The following TENM3 variants were observed in gnomAD, a reference collection of about 807,000 sequenced individuals.
The protein encoded by TENM3 is teneurin transmembrane protein 3, also known as teneurin-3.
In TENM3, 63 loss-of-function variants were observed where a neutral mutation model predicts 255.1. The ratio of observed to expected loss-of-function variants is 0.25; its 90% CI spans 0.20 to 0.30. The LOEUF (loss-of-function observed/expected upper bound fraction) is 0.30. TENM3 is among the 10% of genes least tolerant of loss of function. The pLI, the probability that TENM3 is intolerant of heterozygous loss-of-function variation, is 1.00. For synonymous variants in TENM3, 1,306 were observed against 1,322.3 expected, an observed-to-expected ratio of 0.99 and a Z score of 0.27; for missense variants, 2,929 against 3,461.1, an observed-to-expected ratio of 0.85 and a Z score of 3.86.
chr4:181,719,695 T>A, the TENM3 span, among the ~76,000 whole-genome samples: 1 of 152,188 alleles, frequency 6.6e-6, no homozygotes, highest in South Asian at 2.1e-4. Context: ...TTGGGGGGAT[T>A]CAAACATTCA....
chr4:182,167,067 G>T (rs931365195), intron 1 of TENM3, among the ~76,000 whole-genome samples: 1 of 152,084 alleles, frequency 6.6e-6, no homozygotes, highest in African/African-American at 2.4e-5. Flanking sequence ...TTAACTGTGG[G>T]TCTCAAAAAG....
chr4:182,196,794 T>C (rs528879262), intron 1 of TENM3, among the ~76,000 whole-genome samples: 15 of 152,386 alleles, frequency 9.8e-5, no homozygotes, highest in Non-Finnish European at 1.9e-4. Flanking sequence ...CCTGATGTTT[T>C]TAAAACAGTC....
the TENM3 span, among the ~76,000 whole-genome samples, chr4:182,066,807 A>G: frequency 6.6e-6 from 1 of 152,014 alleles, no homozygotes; most frequent in Non-Finnish European, 1.5e-5. Context: ...GCTACTCGGG[A>G]GGCTGAGGCA....
the TENM3 span, among the ~76,000 whole-genome samples, chr4:181,663,785 T>C: frequency 1.4e-3 from 216 of 152,318 alleles, 1 homozygote; most frequent in African/African-American, 5.0e-3. Context: ...TACTTCTTCC[T>C]GAGTTAGTGA....
chr4:182,703,691 A>G (rs1361636719), intron 12 of TENM3, among the ~76,000 whole-genome samples: 1 of 152,244 alleles, frequency 6.6e-6, no homozygotes, highest in Non-Finnish European at 1.5e-5. Context: ...AATGTATCCT[A>G]GGTAAGTTAA....
the TENM3 span, among the ~76,000 whole-genome samples, chr4:182,072,558 A>G: frequency 6.6e-6 from 1 of 152,226 alleles, no homozygotes; most frequent in Non-Finnish European, 1.5e-5. Context: ...TATTTGAAAC[A>G]ATATTTAAAG....
chr4:181,745,864 G>T, the TENM3 span, among the ~76,000 whole-genome samples: 6 of 152,198 alleles, frequency 3.9e-5, no homozygotes, highest in Admixed American at 3.9e-4. Flanking sequence ...AGTTTGGTCT[G>T]TGTGTTGTGT....
Position 182,700,433 on chromosome 4 carries a change from T to A in TENM3, c.2221+12082T>A, listed in dbSNP as rs981841491. Among the ~76,000 whole-genome samples, 8 of 152,310 alleles carry A rather than the reference T, an allele frequency of 5.3e-5. No homozygotes were observed. The South Asian group carries it at 6.2e-4, about 12-fold the overall frequency. On this transcript the variant is annotated intron_variant, in intron 12 of 27. Coordinates refer to ENST00000511685, the MANE Select transcript of TENM3 (RefSeq NM_001080477.4). Reference sequence around the variant, plus strand: ...CCACCTCCCTATTTTAAAGTGCAAGTTTGGTTGTGGTGTCTGTCCATACGG... The same window carrying A: ...CCACCTCCCTATTTTAAAGTGCAAGATTGGTTGTGGTGTCTGTCCATACGG...
chr4:181,973,165 C>G, the TENM3 span, among the ~76,000 whole-genome samples: 1 of 152,116 alleles, frequency 6.6e-6, no homozygotes, highest in Non-Finnish European at 1.5e-5. Context: ...ATTTTTAGAT[C>G]CTTCCTCTTA....
intron 24 of TENM3, among the ~76,000 whole-genome samples, chr4:182,781,700 G>T (rs1765181909): frequency 6.9e-6 from 1 of 145,620 alleles, no homozygotes; most frequent in Non-Finnish European, 1.5e-5. Context: ...CTTTTTGGTT[G>T]GTAAGCTATT....
intron 22 of TENM3, among the ~76,000 whole-genome samples, chr4:182,767,076 C>G (rs1202922752): frequency 1.3e-5 from 2 of 152,088 alleles, no homozygotes; most frequent in Non-Finnish European, 2.9e-5. Flanking sequence ...TGCTCTGTTT[C>G]CCTTGGTGAT....
chr4:181,515,133 C>G, the TENM3 span, among the ~76,000 whole-genome samples: 3 of 152,334 alleles, frequency 2.0e-5, no homozygotes, highest in East Asian at 3.9e-4. Context: ...GCTCACACAT[C>G]AAGTTCCAGT....
At chr4:182,474,423 A>T (rs570354153) in intron 3 of TENM3, among the ~76,000 whole-genome samples, 72 of 152,270 alleles carry the variant, frequency 4.7e-4, no homozygotes, top group African/African-American at 1.7e-3. Context: ...TGTGGATGGG[A>T]TAATTCCTCT....
chr4:182,161,873 GTA>G (rs369293061), intron 1 of TENM3, among the ~76,000 whole-genome samples: 17,343 of 28,202 alleles, frequency 0.61, 7,791 homozygotes, highest in Non-Finnish European at 0.8. Flanking sequence ...GTATATATGT[GTA>G]TATATATACA....
chr4:182,304,159 G>T (rs528115321), intron 1 of TENM3, among the ~76,000 whole-genome samples: 1 of 151,616 alleles, frequency 6.6e-6, no homozygotes, highest in African/African-American at 2.4e-5. Flanking sequence ...GCTAAATCTA[G>T]TAGTAGCAAG....
chr4:182,778,280 T>A (rs1764859876), intron 24 of TENM3, among the ~76,000 whole-genome samples: 1 of 152,176 alleles, frequency 6.6e-6, no homozygotes, highest in African/African-American at 2.4e-5. Context: ...TGAATCATTT[T>A]AAAAAAGAAA....
upstream of TENM3, chr4:182,143,820 G>C (rs377561338): frequency 6.6e-6 from 1 of 152,570 alleles, no homozygotes; most frequent in Non-Finnish European, 1.5e-5. This position sits in a 1 kb window ranked among gnomAD's most constrained non-coding sequence, Gnocchi z 4.3. Flanking sequence ...ATTCATCAGC[G>C]TGAAGTGTTA....
At chr4:182,063,762 C>T in the TENM3 span, among the ~76,000 whole-genome samples, 1 of 152,160 alleles carries the variant, frequency 6.6e-6, no homozygotes, top group Non-Finnish European at 1.5e-5. Context: ...GGTGCTATCA[C>T]TGAATTAGTA....
the TENM3 span, among the ~76,000 whole-genome samples, chr4:181,854,319 A>G: frequency 6.6e-6 from 1 of 152,200 alleles, no homozygotes; most frequent in Non-Finnish European, 1.5e-5. Flanking sequence ...TCTGCTGTTC[A>G]TGAATGGAAC....
Sources: gnomAD v4.1 joint callset for allele counts (sites outside exome capture counted in the v4.1 genomes callset) on GRCh38, gnomAD v4.1.1 for gene constraint, Gnocchi (gnomAD v3.1) non-coding constraint, MANE v1.5 for transcripts, NCBI Gene and HGNC (gene_info 2026-07-23, HGNC 2026-07-21) for gene names.